ZFHX3: variants seen among roughly 807,000 people sequenced by gnomAD.
The protein encoded by ZFHX3 is zinc finger homeobox protein 3.
A neutral mutation model predicts 279.1 loss-of-function variants in ZFHX3; 42 were observed. The observed-to-expected ratio is 0.15, with a 90% CI of 0.12 to 0.19. ZFHX3 has a LOEUF of 0.19. Among genes scored for constraint, ZFHX3 ranks in the 10% least tolerant of loss-of-function variants. ZFHX3 has a pLI of 1.00. For synonymous variants in ZFHX3, 2,293 were observed against 1,957.8 expected (o/e 1.17, Z -4.52); for missense variants, 4,981 against 4,754.0 (o/e 1.05, Z -1.40).
At chr16:73,843,638 C>T (rs1961369424) in intron 1 of ZFHX3, among the ~76,000 whole-genome samples, 2 of 152,356 alleles carry the variant, frequency 1.3e-5, no homozygotes, top group South Asian at 2.1e-4. Flanking sequence ...AGATTGCTCT[C>T]CTCGTATCAT....
chr16:72,904,413 A>G lies in ZFHX3; in HGVS notation c.3217-14451T>C, dbSNP rs560850880. ...AAATAAATAAATAAATAAATAAATA[A>G]ATAAATAAAAATTGTGGGCTGAAAG... On this transcript the variant is annotated intron_variant, in intron 3 of 9. Transcript: ENST00000268489. Among the ~76,000 whole-genome samples the G allele has an allele frequency of 1.9e-4, 29 of 149,874 alleles. 1 individual carries two copies. Among genetic ancestry groups the G allele is most frequent in the Middle Eastern group, 7.0e-3 (2 of 286 alleles).
chr16:73,340,312 C>T (rs1875556053), intron 3 of ZFHX3, among the ~76,000 whole-genome samples: 1 of 152,176 alleles, frequency 6.6e-6, no homozygotes, highest in African/African-American at 2.4e-5. Flanking sequence ...AAATTTAGGA[C>T]ATAATAAAGG....
Position 73,687,011 on chromosome 16 carries a change from AATATATAT to A in ZFHX3, c.-1607-6779_-1607-6772del, listed in dbSNP as rs58565282. ...GAGAATATATATATATTTGCAGCTA[AATATATAT>A]ATATATATATATATATATATATATA... On this transcript the variant is annotated intron_variant, in intron 1 of 17. Transcript: ENST00000641206. 9.2e-3 allele frequency among the ~76,000 whole-genome samples: 489 copies of A among 53,100 alleles called. 6 individuals are homozygous for A. Among genetic ancestry groups the A allele is most frequent in the African/African-American group, 9.5e-3 (131 of 13,780 alleles). 34.8% of individuals were successfully genotyped at this position (53,100 alleles called of 152,430 possible). A position where few individuals can be genotyped will look rare whatever the true frequency, so the allele number is the denominator to read the frequency against.
At chr16:73,421,423 G>A (rs2017716819) in intron 3 of ZFHX3, 2 of 152,198 alleles carry the variant, frequency 1.3e-5, no homozygotes, top group African/African-American at 2.4e-5. Flanking sequence ...GAAATGTTTT[G>A]TGATGCTAAC....
At position 73,302,713 on chromosome 16, in the gene ZFHX3, G is replaced by A. The variant is rs552042300; in HGVS notation, c.-1194+15527C>T. 3.0e-4 allele frequency among the ~76,000 whole-genome samples: 46 copies of A among 152,300 alleles called. No individual in the cohort carries two copies. In the East Asian group the frequency reaches 4.1e-3, roughly 13 times the overall value. On this transcript the variant is annotated intron_variant, in intron 4 of 17. Coordinates refer to the ZFHX3 transcript ENST00000641206. ...GTGGGACCTCAGGGAGTCAACAGTG[G>A]TACTTGGAGGAATGACTGTCAAGGC...
intron 3 of ZFHX3, among the ~76,000 whole-genome samples, chr16:73,413,323 G>A (rs118163558): frequency 3.9e-5 from 6 of 152,364 alleles, no homozygotes; most frequent in Non-Finnish European, 8.8e-5. Context: ...AAACAGAGGG[G>A]AGGCTGGTTT....
intron 1 of ZFHX3, among the ~76,000 whole-genome samples, chr16:73,864,885 C>T (rs371114531): frequency 6.6e-6 from 1 of 152,172 alleles, no homozygotes; most frequent in South Asian, 2.1e-4. Context: ...TAAGAGGAGA[C>T]AACAATTCCC....
intron 3 of ZFHX3, among the ~76,000 whole-genome samples, chr16:73,404,002 A>T (rs770058473): frequency 5.9e-5 from 9 of 152,104 alleles, no homozygotes; most frequent in Non-Finnish European, 1.2e-4. Flanking sequence ...TAAGGGTAGG[A>T]GTCCCTTTGG....
chr16:73,497,106 C>A (rs2019154711), intron 2 of ZFHX3, among the ~76,000 whole-genome samples: 1 of 152,230 alleles, frequency 6.6e-6, no homozygotes, highest in East Asian at 1.9e-4. Context: ...TTAAACTAAA[C>A]CCATATTAAC....
At chr16:73,053,738 AG>A (rs755409262) in intron 1 of ZFHX3, among the ~76,000 whole-genome samples, 1 of 152,148 alleles carries the variant, frequency 6.6e-6, no homozygotes, top group Non-Finnish European at 1.5e-5. Flanking sequence ...GCAGCTTAGG[AG>A]CACACTCCCC....
intron 1 of ZFHX3, among the ~76,000 whole-genome samples, chr16:73,768,375 A>T (rs947160030): frequency 6.6e-6 from 1 of 152,202 alleles, no homozygotes; most frequent in African/African-American, 2.4e-5. Flanking sequence ...CACTTAAAAA[A>T]TTGAACTTTT....
chr16:73,721,630 A>C (rs1252339109), intron 1 of ZFHX3, among the ~76,000 whole-genome samples: 1 of 152,196 alleles, frequency 6.6e-6, no homozygotes, highest in Non-Finnish European at 1.5e-5. Context: ...GCAGTCCCAA[A>C]GATGCAGGCA....
In ZFHX3 at chr16:72,955,993, C is replaced by T. The variant is rs139937391; in HGVS notation, c.2719+1434G>A. ...TGGTTCACCCTGGTGACAAATAAGA[C>T]GACCAGTGCTTGTGCATCCACAATT... On this transcript the variant is annotated intron_variant, in intron 2 of 9. Coordinates refer to ENST00000268489, the MANE Select transcript of ZFHX3 (RefSeq NM_006885.4). 6.8e-3 allele frequency among the ~76,000 whole-genome samples: 1,029 copies of T among 152,238 alleles called. 15 individuals are homozygous for T. The highest frequency in any genetic ancestry group is 9.4e-3 in the Admixed American group (144 of 15,288).
chr16:73,849,918 AGGC>A (rs1199751431), intron 1 of ZFHX3, among the ~76,000 whole-genome samples: 1 of 152,050 alleles, frequency 6.6e-6, no homozygotes, highest in Non-Finnish European at 1.5e-5. Flanking sequence ...TTTTTAGTAG[AGGC>A]GGGGTTTCAC....
intron 2 of ZFHX3, among the ~76,000 whole-genome samples, chr16:73,522,632 C>T (rs536077366): frequency 6.6e-6 from 1 of 152,262 alleles, no homozygotes; most frequent in East Asian, 1.9e-4. Context: ...GGCAAGAGGG[C>T]CTAGGGATCC....
intron 4 of ZFHX3, among the ~76,000 whole-genome samples, chr16:72,868,730 C>T (rs1472585403): frequency 6.6e-6 from 1 of 152,226 alleles, no homozygotes; most frequent in Non-Finnish European, 1.5e-5. Flanking sequence ...AGTGAGATTC[C>T]TCAGGCACAG....
chr16:73,403,471 C>G (rs1183315169), intron 3 of ZFHX3, among the ~76,000 whole-genome samples: 1 of 152,130 alleles, frequency 6.6e-6, no homozygotes, highest in Non-Finnish European at 1.5e-5. Context: ...CGGGCCGGGT[C>G]TGTGTGCACG....
intron 1 of ZFHX3, among the ~76,000 whole-genome samples, chr16:72,977,198 C>T (rs1160256349): frequency 1.3e-5 from 2 of 152,166 alleles, no homozygotes; most frequent in Non-Finnish European, 2.9e-5. Flanking sequence ...CATTCCCATC[C>T]TGGTTTCTTT....
At chr16:73,886,809 A>C (rs953504474) in intron 1 of ZFHX3, among the ~76,000 whole-genome samples, 1 of 152,232 alleles carries the variant, frequency 6.6e-6, no homozygotes, top group African/African-American at 2.4e-5. Context: ...CATGTTTTCT[A>C]TCACTGTGAA....
Sources: allele counts gnomAD v4.1 joint callset (sites outside exome capture counted in the v4.1 genomes callset), GRCh38; gene constraint gnomAD v4.1.1; transcripts MANE v1.5; gene names NCBI Gene and HGNC (gene_info 2026-07-23, HGNC 2026-07-21).